The following SLC12A6 variants were observed in gnomAD, a reference collection of about 807,000 sequenced individuals.
SLC12A6 encodes K-Cl cotransporter 3.
Under a neutral mutation model 135.3 loss-of-function variants are expected in SLC12A6, and 66 were observed. The ratio of observed to expected loss-of-function variants is 0.49; its 90% CI spans 0.40 to 0.60. SLC12A6 has a LOEUF of 0.60. Ranked by LOEUF, SLC12A6 falls within the 20% of genes least tolerant of loss-of-function variation. The pLI, the probability that SLC12A6 is intolerant of heterozygous loss-of-function variation, is 0.00. For missense variants in SLC12A6, 1,058 were observed against 1,452.3 expected (o/e 0.73, Z 4.41); for synonymous variants, 513 against 508.8 (o/e 1.01, Z -0.11).
At position 34,245,369 on chromosome 15, in the gene SLC12A6, G is replaced by T; in HGVS notation, c.1859C>A (p.Thr620Asn). 6.2e-7 allele frequency: 1 copy of T among 1,613,124 alleles called. No individual in the cohort carries two copies. The highest frequency in any genetic ancestry group is 1.1e-5 in the South Asian group (1 of 91,056). ...FGHSKANGEPTWALLLTAAIA... is the reference protein window; with the variant it reads ...FGHSKANGEPNWALLLTAAIA... Reference sequence around the variant, plus strand: ...GGCAGCAGTTAGAAGTAAAGCCCAGGTAGGTTCCCCATTGGCTTTGCTGTG... The same window carrying T: ...GGCAGCAGTTAGAAGTAAAGCCCAGTTAGGTTCCCCATTGGCTTTGCTGTG... The change falls in exon 15 of 26, where the codon ACC becomes AAC. Residue 620 changes from threonine (T) to asparagine (N), a missense_variant. Physicochemically the swap from Thr to Asn is moderately conservative, Grantham distance 65. Around this residue, in one of 6 missense-constraint regions of SLC12A6, gnomAD observed 170 missense variants for 297.6 expected, o/e 0.57. Transcript: ENST00000354181.
intron 2 of SLC12A6, among the ~76,000 whole-genome samples, chr15:34,317,750 CCTTATT>C (rs1413959931): frequency 2.6e-5 from 4 of 152,108 alleles, no homozygotes; most frequent in African/African-American, 9.6e-5. Context: ...GAGCTTATTC[CCTTATT>C]CTTAATTCAT....
At chr15:34,288,303 T>A (rs76381158) in intron 2 of SLC12A6, among the ~76,000 whole-genome samples, 30 of 152,142 alleles carry the variant, frequency 2.0e-4, no homozygotes, top group Non-Finnish European at 3.7e-4. Context: ...AGATGTGTGG[T>A]GTTATTTCTG....
chr15:34,252,437 A>G (rs1157854927), intron 9 of SLC12A6, 53 bp from the exon 10 acceptor site: 2 of 1,066,066 alleles, frequency 1.9e-6, no homozygotes, highest in African/African-American at 3.1e-5. Flanking sequence ...AAGTACATTA[A>G]AAAAAAAGGA....
chr15:34,257,641 C>T lies in SLC12A6; in HGVS notation c.690+1G>A. 1 of 1,612,812 alleles carries T rather than the reference C, an allele frequency of 6.2e-7. No individual in the cohort carries two copies. ...TCTCTAGGAGCCAGTGCAGTACTTA[C>T]ACAGCAGCAGCAGATAAGGACAATT... On this transcript the variant is annotated splice_donor_variant, in intron 6 of 25. Transcript: ENST00000354181. LOFTEE classifies it high-confidence loss of function.
intron 3 of SLC12A6, among the ~76,000 whole-genome samples, chr15:34,262,359 T>G (rs1029466005): frequency 1.3e-5 from 2 of 152,136 alleles, no homozygotes; most frequent in African/African-American, 4.8e-5. Flanking sequence ...CACCCTCGCA[T>G]GCCCTCTCCA....
rs944499371 is a variant in SLC12A6 at position 34,292,374 on chromosome 15, G to A, written c.272-16985C>T. On this transcript the variant is annotated intron_variant, in intron 2 of 25. Transcript: ENST00000354181. ...CTTCCTCTGGAAGCTTCGTCTCAGA[G>A]GGGAACCTGCTTGTATGAGGTGTCT... Among the ~76,000 whole-genome samples, 4 of 152,156 alleles carry A rather than the reference G, an allele frequency of 2.6e-5. No homozygotes were observed. The East Asian group carries it at 5.8e-4, about 22-fold the overall frequency.
chr15:34,282,951 C>A (rs573440988), intron 2 of SLC12A6, among the ~76,000 whole-genome samples: 1 of 152,064 alleles, frequency 6.6e-6, no homozygotes, highest in Non-Finnish European at 1.5e-5. Context: ...AATATCTGAG[C>A]GACTAATAAG....
chr15:34,280,973 AG>A (rs1894638906), intron 2 of SLC12A6, among the ~76,000 whole-genome samples: 1 of 152,212 alleles, frequency 6.6e-6, no homozygotes, highest in South Asian at 2.1e-4. Flanking sequence ...TGTGAGAGTC[AG>A]AAAAAAAAAG....
chr15:34,315,739 A>C (rs1888598123), intron 2 of SLC12A6, among the ~76,000 whole-genome samples: 1 of 152,144 alleles, frequency 6.6e-6, no homozygotes, highest in Non-Finnish European at 1.5e-5. Context: ...TAATCCCAGC[A>C]CTTTTGGAGA....
chr15:34,312,787 T>C (rs976329098), intron 2 of SLC12A6, among the ~76,000 whole-genome samples: 6 of 152,262 alleles, frequency 3.9e-5, no homozygotes, highest in African/African-American at 1.4e-4. Flanking sequence ...TAGTGCTGTT[T>C]TTCCAATAGC....
At chr15:34,236,606 T>C (rs1383445613) in intron 23 of SLC12A6, 102 bp downstream of exon 23, 1 of 806,998 alleles carries the variant, frequency 1.2e-6, no homozygotes, top group Non-Finnish European at 2.2e-6. Context: ...CCTCCAAAAG[T>C]GCTGGGATTA....
intron 6 of SLC12A6, among the ~76,000 whole-genome samples, chr15:34,257,288 T>C (rs934005763): frequency 6.6e-6 from 1 of 152,222 alleles, no homozygotes; most frequent in East Asian, 1.9e-4. Context: ...TTTCTCAATA[T>C]ATACTGGAGT....
chr15:34,240,920 A>T lies in SLC12A6; in HGVS notation c.2268-91T>A, dbSNP rs998712193. On this transcript the variant is annotated intron_variant, in intron 18 of 25. Transcript: ENST00000354181. Reference sequence around the variant, plus strand: ...CAGACTCCACCCTTTAATTCAGGAGATCTGTATGAAACAGGTAATTTGACA... The same window carrying T: ...CAGACTCCACCCTTTAATTCAGGAGTTCTGTATGAAACAGGTAATTTGACA... The T allele has an allele frequency of 4.0e-6, 4 of 992,166 alleles. No individual in the cohort carries two copies. The Admixed American group carries it at 7.9e-5, about 20-fold the overall frequency. The allele number at this position is 992,166 out of a possible 1,614,324, so 61.5% of individuals were successfully genotyped here. A position where few individuals can be genotyped will look rare whatever the true frequency, so the allele number is the denominator to read the frequency against.
At chr15:34,320,130 C>T (rs8025057) in intron 2 of SLC12A6, among the ~76,000 whole-genome samples, 20,502 of 152,076 alleles carry the variant, frequency 0.13, 1,513 homozygotes, top group East Asian at 0.33. Flanking sequence ...TTCCATCTGA[C>T]AAGTAAGGTT....
At chr15:34,336,852 A>G in intron 1 of SLC12A6, 100 bp from the exon 2 acceptor site, 1 of 656,402 alleles carries the variant, frequency 1.5e-6, no homozygotes, top group Non-Finnish European at 2.7e-6. Flanking sequence ...TCAGAATTCA[A>G]GCCGACTGTC....
intron 2 of SLC12A6, among the ~76,000 whole-genome samples, chr15:34,278,358 T>C: frequency 6.6e-6 from 1 of 151,538 alleles, no homozygotes; most frequent in East Asian, 1.9e-4. Flanking sequence ...ACCCAGGAGG[T>C]GGAGGTTGCA....
chr15:34,302,184 T>C (rs995351911), intron 2 of SLC12A6, among the ~76,000 whole-genome samples: 1 of 152,018 alleles, frequency 6.6e-6, no homozygotes, highest in Non-Finnish European at 1.5e-5. Context: ...ATGGTGAGAG[T>C]AATACCAGAC....
intron 2 of SLC12A6, among the ~76,000 whole-genome samples, chr15:34,308,324 T>C (rs1232936330): frequency 6.6e-6 from 1 of 152,086 alleles, no homozygotes; most frequent in Non-Finnish European, 1.5e-5. Context: ...GGAGAGCTAC[T>C]AAAGACTGTT....
At chr15:34,235,715 G>A (rs1193707220) in intron 24 of SLC12A6, among the ~76,000 whole-genome samples, 1 of 152,158 alleles carries the variant, frequency 6.6e-6, no homozygotes, top group African/African-American at 2.4e-5. Flanking sequence ...TGGGATTACA[G>A]GCGTGAGCCA....
Sources: gnomAD v4.1 joint callset for allele counts (sites outside exome capture counted in the v4.1 genomes callset) on GRCh38, gnomAD v4.1.1 for gene constraint, gnomAD v4.1.1 regional missense constraint, MANE v1.5 for transcripts, NCBI Gene and HGNC (gene_info 2026-07-23, HGNC 2026-07-21) for gene names.